RALGAPA2: variants seen among roughly 807,000 people sequenced by gnomAD.
RALGAPA2 encodes the protein Ral GTPase activating protein catalytic subunit alpha 2.
Under a neutral mutation model 230.4 loss-of-function variants are expected in RALGAPA2, and 139 were observed. That is an observed-to-expected ratio of 0.60 (90% CI 0.53 to 0.69). The LOEUF is 0.69. Ranked by LOEUF, RALGAPA2 falls within the 30% of genes least tolerant of loss-of-function variation. The pLI is 0.00. For missense variants in RALGAPA2, 2,163 were observed against 2,276.0 expected, an observed-to-expected ratio of 0.95 and a Z score of 1.01; for synonymous variants, 847 against 837.8, an observed-to-expected ratio of 1.01 and a Z score of -0.19.
intron 36 of RALGAPA2, among the ~76,000 whole-genome samples, chr20:20,476,969 A>G (rs1297402065): frequency 6.6e-6 from 1 of 152,204 alleles, no homozygotes; most frequent in Non-Finnish European, 1.5e-5. Flanking sequence ...CAGACACTAA[A>G]AAGTTCATAC....
At chr20:20,470,943 T>A (rs2061526769) in intron 37 of RALGAPA2, 2 of 152,224 alleles carry the variant, frequency 1.3e-5, no homozygotes, top group Non-Finnish European at 2.9e-5. Context: ...TTTCTTGTTT[T>A]AAACAATTTA....
chr20:20,455,330 G>A (rs1382724868), intron 37 of RALGAPA2, among the ~76,000 whole-genome samples: 3 of 152,248 alleles, frequency 2.0e-5, no homozygotes, highest in East Asian at 1.9e-4. Flanking sequence ...GCAGAAGGCC[G>A]TGGTTCCAGA....
chr20:20,667,778 T>G (rs937387965), intron 3 of RALGAPA2, among the ~76,000 whole-genome samples: 1 of 152,146 alleles, frequency 6.6e-6, no homozygotes, highest in African/African-American at 2.4e-5. Flanking sequence ...AGGTTGAAGG[T>G]GTGGTGGGGA....
At chr20:20,421,595 G>A (rs187468852) in intron 37 of RALGAPA2, among the ~76,000 whole-genome samples, 61 of 152,258 alleles carry the variant, frequency 4.0e-4, no homozygotes, top group Non-Finnish European at 5.4e-4. Context: ...GCTTGAACCC[G>A]GGAGGCGGAG....
At chr20:20,469,347 G>T (rs1164694059) in intron 37 of RALGAPA2, among the ~76,000 whole-genome samples, 1 of 152,230 alleles carries the variant, frequency 6.6e-6, no homozygotes, top group Non-Finnish European at 1.5e-5. Context: ...CATTTTTGAA[G>T]ATGTGAAAAT....
intron 36 of RALGAPA2, among the ~76,000 whole-genome samples, chr20:20,483,640 T>C (rs1394173282): frequency 6.6e-6 from 1 of 152,184 alleles, no homozygotes; most frequent in African/African-American, 2.4e-5. Context: ...ACTGACCTCA[T>C]GCATCAGGGA....
chr20:20,618,478 G>GA (rs11310533), intron 12 of RALGAPA2, among the ~76,000 whole-genome samples: 22 of 146,978 alleles, frequency 1.5e-4, no homozygotes, highest in African/African-American at 2.0e-4. Context: ...TAATTCACTT[G>GA]AAAAAAAAAA....
At chr20:20,696,746 G>A (rs1275790670) in intron 1 of RALGAPA2, among the ~76,000 whole-genome samples, 1 of 151,934 alleles carries the variant, frequency 6.6e-6, no homozygotes, top group Non-Finnish European at 1.5e-5. Context: ...TAATCACAAA[G>A]CTGCTCCCTT....
chr20:20,616,085 A>G lies in RALGAPA2; in HGVS notation c.1646T>C (p.Phe549Ser), dbSNP rs1412200556. The G allele has an allele frequency of 4.5e-6, 7 of 1,552,966 alleles. No homozygotes were observed. The highest frequency in any genetic ancestry group is 4.4e-6 in the Non-Finnish European group (5 of 1,148,642). The part of the protein sequence containing the change: ...VDACKAVLII[F>S]RRMIMELTMN... Reference sequence around the variant, plus strand: ...TGTAAGCTCCATTATCATGCGCCTAAAAATAATCAAAACAGCTTTACAAGC... The same window carrying G: ...TGTAAGCTCCATTATCATGCGCCTAGAAATAATCAAAACAGCTTTACAAGC... The change falls in exon 13 of 40, where the codon TTT becomes TCT. Residue 549 changes from phenylalanine (F) to serine (S), a missense_variant. Transcript: ENST00000202677.
chr20:20,628,594 G>A (rs1366530072), intron 10 of RALGAPA2, among the ~76,000 whole-genome samples: 1 of 151,998 alleles, frequency 6.6e-6, no homozygotes, highest in East Asian at 1.9e-4. Flanking sequence ...CATGGTGGGG[G>A]TGGGGGCCAT....
At chr20:20,648,496 T>C (rs2067290934) in intron 4 of RALGAPA2, among the ~76,000 whole-genome samples, 1 of 152,170 alleles carries the variant, frequency 6.6e-6, no homozygotes, top group African/African-American at 2.4e-5. Context: ...TAAATATATG[T>C]AATTTACTGT....
At chr20:20,579,441 T>C (rs1473170157) in intron 20 of RALGAPA2, among the ~76,000 whole-genome samples, 3 of 152,146 alleles carry the variant, frequency 2.0e-5, no homozygotes, top group Admixed American at 2.0e-4. Flanking sequence ...AGATGCTAGA[T>C]AACATTTCTC....
At chr20:20,673,104 G>T (rs1470539117) in intron 3 of RALGAPA2, among the ~76,000 whole-genome samples, 1 of 152,010 alleles carries the variant, frequency 6.6e-6, no homozygotes, top group Non-Finnish European at 1.5e-5. Flanking sequence ...AGAATGGCAT[G>T]AACCCGGGAG....
chr20:20,613,437 T>C (rs1188266382), intron 13 of RALGAPA2, among the ~76,000 whole-genome samples: 1 of 152,224 alleles, frequency 6.6e-6, no homozygotes, highest in African/African-American at 2.4e-5. Context: ...GCTACAGCCC[T>C]GGTCTCAGCC....
At position 20,571,842 on chromosome 20, in the gene RALGAPA2, A is replaced by G. The variant is rs369834044; in HGVS notation, c.3000+6T>C. On this transcript the variant is annotated splice_donor_region_variant and intron_variant, in intron 22 of 39. Transcript: ENST00000202677. The stretch of plus-strand genomic sequence containing the variant: ...GCAATAAAGGAATAAACACATATCC[A>G]CTTGCCTTAAACAGCCATGATGCAA... 1 of 1,597,610 alleles carries G rather than the reference A, an allele frequency of 6.3e-7. No individual in the cohort carries two copies.
At chr20:20,616,288 C>A in intron 12 of RALGAPA2, 97 bp from the exon 13 acceptor site, 1 of 957,228 alleles carries the variant, frequency 1.0e-6, no homozygotes, top group Non-Finnish European at 1.5e-6. Context: ...CCAATGAAAT[C>A]ATTTTTCAGT....
intron 37 of RALGAPA2, among the ~76,000 whole-genome samples, chr20:20,419,671 T>C (rs6137026): frequency 0.025 from 3,781 of 152,338 alleles, 124 homozygotes; most frequent in East Asian, 0.16. Context: ...AGAATTACTA[T>C]GCATTAAGAA....
At chr20:20,495,483 T>C (rs1445366327) in intron 35 of RALGAPA2, among the ~76,000 whole-genome samples, 1 of 152,254 alleles carries the variant, frequency 6.6e-6, no homozygotes, top group Non-Finnish European at 1.5e-5. Context: ...GGTACCAAGA[T>C]AAGGCATGCT....
Position 20,582,941 on chromosome 20 carries a change from C to T in RALGAPA2, c.2707+109G>A, listed in dbSNP as rs187803906. On this transcript the variant is annotated intron_variant, in intron 20 of 39. Coordinates refer to ENST00000202677, the MANE Select transcript of RALGAPA2 (RefSeq NM_020343.4). ...GTGGACAGTGGTCAGGAGCATGGCA[C>T]ACTTCCTCCTACAACTGTTTCAGAA... The T allele has an allele frequency of 9.2e-6, 11 of 1,198,696 alleles. No homozygotes were observed. The African/African-American group carries it at 1.2e-4, about 13-fold the overall frequency. The allele number at this position is 1,198,696 out of a possible 1,614,324, so 74.3% of individuals were successfully genotyped here. A position where few individuals can be genotyped will look rare whatever the true frequency, so the allele number is the denominator to read the frequency against.
Sources: allele counts gnomAD v4.1 joint callset (sites outside exome capture counted in the v4.1 genomes callset), GRCh38; gene constraint gnomAD v4.1.1; transcripts MANE v1.5; gene names NCBI Gene and HGNC (gene_info 2026-07-23, HGNC 2026-07-21).